Variants in OPN3 observed in about 807,000 individuals in gnomAD.
The protein encoded by OPN3 is opsin-3.
A neutral mutation model predicts 33.8 loss-of-function variants in OPN3; 29 were observed. That is an observed-to-expected ratio of 0.86 (90% confidence interval 0.64 to 1.17). The LOEUF is 1.17. Among genes scored for constraint, OPN3 ranks in the 50% most tolerant of loss-of-function variants. OPN3 has a pLI of 0.00. For missense variants in OPN3, 437 were observed against 514.1 expected (o/e 0.85, Z 1.45); for synonymous variants, 216 against 216.1 (o/e 1.00, Z 0.00).
intron 1 of OPN3, chr1:241,634,208 T>C: frequency 3.7e-6 from 6 of 1,614,016 alleles, no homozygotes; most frequent in Non-Finnish European, 5.1e-6. Flanking sequence ...TTCTAAGTCT[T>C]CTCTTGCTGT....
intron 2 of OPN3, among the ~76,000 whole-genome samples, chr1:241,602,645 G>A (rs1004052354): frequency 1.3e-5 from 2 of 152,068 alleles, no homozygotes; most frequent in African/African-American, 4.8e-5. Context: ...GACAGAGAGA[G>A]AGAGATAGAG....
At chr1:241,620,346 G>A (rs1437753148) in intron 1 of OPN3, among the ~76,000 whole-genome samples, 1 of 152,172 alleles carries the variant, frequency 6.6e-6, no homozygotes, top group Non-Finnish European at 1.5e-5. Context: ...CTGGATGTTT[G>A]TGGCCCCCCA....
chr1:241,617,727 G>A (rs1664171756), intron 1 of OPN3, among the ~76,000 whole-genome samples: 1 of 152,200 alleles, frequency 6.6e-6, no homozygotes, highest in South Asian at 2.1e-4. Context: ...ACCAGAAAAT[G>A]TGATGTGATA....
intron 1 of OPN3, chr1:241,633,790 T>C (rs780044404): frequency 1.2e-5 from 20 of 1,612,748 alleles, no homozygotes; most frequent in Non-Finnish European, 1.7e-5. Context: ...TCGAGATTGC[T>C]CTTTTCTAAT....
rs1262408516 is a variant in OPN3 at position 241,597,805 on chromosome 1, G to A, written c.886C>T (p.Leu296Phe). 6.2e-7 allele frequency: 1 copy of A among 1,613,638 alleles called. No individual in the cohort carries two copies. Among genetic ancestry groups the A allele is most frequent in the South Asian group, 1.1e-5 (1 of 91,036 alleles). Residue 296 changes from leucine (L) to phenylalanine (F), a missense_variant, in exon 3 of 4, where the codon CTC becomes TTC. Physicochemically the swap from Leu to Phe is conservative, Grantham distance 22. Transcript: ENST00000366554. ...TATACAGTGTTCGATTTAGCAAAGA[G>A]GTACGAAACAATAGATATTGTTGGA... ...VTPTISIVSY[L>F]FAKSNTVYNP...
chr1:241,617,563 C>T (rs748495561), intron 1 of OPN3, among the ~76,000 whole-genome samples: 8 of 152,274 alleles, frequency 5.3e-5, no homozygotes, highest in African/African-American at 9.6e-5. Context: ...GGTTTTAGAG[C>T]GGGTGATAAC....
intron 1 of OPN3, among the ~76,000 whole-genome samples, chr1:241,638,014 G>A (rs1275283962): frequency 1.3e-5 from 2 of 152,080 alleles, no homozygotes; most frequent in Admixed American, 6.5e-5. Flanking sequence ...CACAAACTCC[G>A]GAATTTACTC....
chr1:241,594,340 A>T lies in OPN3; in HGVS notation c.*88T>A. ...CCACAAGGTTCTGTTGATATTACAT[A>T]GAACGGGTATTCCAGACACTTCTTA... is the stretch of plus-strand genomic sequence containing the variant. On this transcript the variant is annotated 3_prime_UTR_variant, in exon 4 of 4. Transcript: ENST00000366554. 7.2e-7 allele frequency: 1 copy of T among 1,397,718 alleles called. No individual in the cohort carries two copies. The highest frequency in any genetic ancestry group is 9.8e-7 in the Non-Finnish European group (1 of 1,016,204). 86.6% of individuals were successfully genotyped at this position (1,397,718 alleles called of 1,614,324 possible).
intron 2 of OPN3, among the ~76,000 whole-genome samples, chr1:241,598,559 T>A (rs1663598891): frequency 6.6e-6 from 1 of 152,192 alleles, no homozygotes; most frequent in Non-Finnish European, 1.5e-5. Flanking sequence ...AGAAATTTGT[T>A]TGTGATTGGC....
chr1:241,618,295 G>A (rs372778076), intron 1 of OPN3, among the ~76,000 whole-genome samples: 2 of 152,118 alleles, frequency 1.3e-5, no homozygotes, highest in African/African-American at 2.4e-5. Context: ...AGCTACATAC[G>A]AAACTCCTGA....
intron 2 of OPN3, among the ~76,000 whole-genome samples, chr1:241,598,405 T>A (rs984354771): frequency 1.3e-5 from 2 of 152,214 alleles, no homozygotes; most frequent in Non-Finnish European, 2.9e-5. Flanking sequence ...AGTTCTCAAA[T>A]CAGACTGCAC....
intron 1 of OPN3, among the ~76,000 whole-genome samples, chr1:241,621,339 CTGGGGA>C (rs1395386449): frequency 6.6e-6 from 1 of 152,018 alleles, no homozygotes; most frequent in Non-Finnish European, 1.5e-5. Context: ...CAAGGGACAA[CTGGGGA>C]TGGTGACTCG....
intron 3 of OPN3, 80 bp from the exon 4 acceptor site, chr1:241,594,771 A>G: frequency 6.6e-7 from 1 of 1,513,564 alleles, no homozygotes. Context: ...AAATCAGTTG[A>G]GCTGAATTTA....
chr1:241,599,818 A>G (rs570263900), intron 2 of OPN3, among the ~76,000 whole-genome samples: 2 of 152,188 alleles, frequency 1.3e-5, no homozygotes, highest in South Asian at 4.1e-4. Flanking sequence ...AACCTATGAG[A>G]ATTAACAGAA....
At chr1:241,621,804 T>C (rs1176857704) in intron 1 of OPN3, among the ~76,000 whole-genome samples, 1 of 152,146 alleles carries the variant, frequency 6.6e-6, no homozygotes, top group African/African-American at 2.4e-5. Context: ...AGCCCAGGCA[T>C]GGCCAACTGG....
At chr1:241,628,146 G>A (rs1487057549) in intron 1 of OPN3, among the ~76,000 whole-genome samples, 1 of 152,150 alleles carries the variant, frequency 6.6e-6, no homozygotes. Flanking sequence ...CTTTTAAAAG[G>A]GATGCCGTGC....
intron 1 of OPN3, among the ~76,000 whole-genome samples, chr1:241,636,879 A>C (rs1444816811): frequency 6.6e-6 from 1 of 152,106 alleles, no homozygotes; most frequent in African/African-American, 2.4e-5. Context: ...GAATCTCTGC[A>C]TCCCAAGCAA....
chr1:241,629,426 T>G (rs1055662696), intron 1 of OPN3: 2 of 151,824 alleles, frequency 1.3e-5, no homozygotes, highest in Non-Finnish European at 2.9e-5. Flanking sequence ...ATTAGGAAAT[T>G]TGAATACCAT....
chr1:241,613,096 C>T (rs562513527), intron 1 of OPN3, among the ~76,000 whole-genome samples: 2 of 152,138 alleles, frequency 1.3e-5, no homozygotes, highest in African/African-American at 2.4e-5. Flanking sequence ...AGCAAGTAAC[C>T]AATTCTTCTT....
Sources: gnomAD v4.1 joint callset for allele counts (sites outside exome capture counted in the v4.1 genomes callset) on GRCh38, gnomAD v4.1.1 for gene constraint, MANE v1.5 for transcripts, NCBI Gene and HGNC (gene_info 2026-07-23, HGNC 2026-07-21) for gene names.